Variants in SLC27A6 observed in about 807,000 individuals in gnomAD.
SLC27A6 encodes the protein solute carrier family 27 member 6.
In SLC27A6, 74 loss-of-function variants were observed where a neutral mutation model predicts 63.9. The ratio of observed to expected loss-of-function variants is 1.16; its 90% confidence interval spans 0.96 to 1.40. The LOEUF is 1.40. Among genes scored for constraint, SLC27A6 ranks in the 40% most tolerant of loss-of-function variants. The probability of loss-of-function intolerance (pLI) is 0.00; values close to 1 mark genes in which losing one functional copy is unlikely to be tolerated. For missense variants in SLC27A6, 794 were observed against 732.9 expected, an observed-to-expected ratio of 1.08 and a Z score of -0.96; for synonymous variants, 287 against 260.8, an observed-to-expected ratio of 1.10 and a Z score of -0.97.
At chr5:128,976,204 A>G (rs1750372318) in intron 1 of SLC27A6, among the ~76,000 whole-genome samples, 1 of 152,192 alleles carries the variant, frequency 6.6e-6, no homozygotes, top group South Asian at 2.1e-4. Context: ...GGCATACATA[A>G]CACTTTCTAT....
intron 1 of SLC27A6, among the ~76,000 whole-genome samples, chr5:128,975,441 C>T (rs1750343180): frequency 6.6e-6 from 1 of 152,214 alleles, no homozygotes; most frequent in African/African-American, 2.4e-5. Context: ...ACCTAGATGA[C>T]ATAGTTTACT....
intron 4 of SLC27A6, among the ~76,000 whole-genome samples, chr5:128,992,043 CTT>C (rs1235326850): frequency 6.6e-6 from 1 of 151,004 alleles, no homozygotes; most frequent in Non-Finnish European, 1.5e-5. Context: ...AATTATTTAT[CTT>C]TTATTATCTG....
Position 128,985,114 on chromosome 5 carries a change from C to G in SLC27A6, c.482-19C>G. On this transcript the variant is annotated intron_variant, in intron 1 of 9. Transcript: ENST00000262462. ...AGATTTAAGGTTTGCTTAACTCTTCCCAACCCTTTGGCTTTTAGATTTGCT... is the reference window on the plus strand; with the variant it reads ...AGATTTAAGGTTTGCTTAACTCTTCGCAACCCTTTGGCTTTTAGATTTGCT... 2 of 1,598,532 alleles carry G rather than the reference C, an allele frequency of 1.3e-6. No individual in the cohort carries two copies. The highest frequency in any genetic ancestry group is 1.7e-6 in the Non-Finnish European group (2 of 1,167,866).
At chr5:129,028,751 T>C (rs1752325953) in intron 8 of SLC27A6, among the ~76,000 whole-genome samples, 1 of 151,900 alleles carries the variant, frequency 6.6e-6, no homozygotes, top group Non-Finnish European at 1.5e-5. Flanking sequence ...TTATTTTTCT[T>C]TTTATGACTG....
intron 1 of SLC27A6, among the ~76,000 whole-genome samples, chr5:128,967,617 A>G (rs1749956150): frequency 6.6e-6 from 1 of 152,180 alleles, no homozygotes; most frequent in South Asian, 2.1e-4. Flanking sequence ...AACCTTTATG[A>G]TATAATATTT....
In SLC27A6 at chr5:129,015,936, C is replaced by G; in HGVS notation, c.1021C>G (p.Arg341Gly). ...KVRLAIGNGI[R>G]SDVWREFLDR... ...GCGTTTGGCAATTGGAAATGGCATA[C>G]GGAGTGATGTATGGAGAGAATTTTT... Residue 341 changes from arginine (R) to glycine (G), a missense_variant, in exon 5 of 10, where the codon CGG becomes GGG. By Grantham distance (125) the Arg-to-Gly change is moderately radical. Transcript: ENST00000262462. 3 of 1,601,140 alleles carry G rather than the reference C, an allele frequency of 1.9e-6. No homozygotes were observed. The South Asian group carries it at 3.4e-5, about 18-fold the overall frequency.
At chr5:129,014,356 G>A (rs1751822351) in intron 4 of SLC27A6, among the ~76,000 whole-genome samples, 3 of 152,172 alleles carry the variant, frequency 2.0e-5, no homozygotes, top group African/African-American at 4.8e-5. Flanking sequence ...AAGCTGTTTT[G>A]AAGGAAGTTT....
At position 129,033,519 on chromosome 5, in the gene SLC27A6, T is replaced by G. The variant is rs2150158479; in HGVS notation, c.*237T>G. Reference sequence around the variant, plus strand: ...TTCAGTGCATAACTAAGTATTTTCCTTAATACTAAAGATTTTAAATAATAA... The same window carrying G: ...TTCAGTGCATAACTAAGTATTTTCCGTAATACTAAAGATTTTAAATAATAA... On this transcript the variant is annotated 3_prime_UTR_variant, in exon 10 of 10. Coordinates refer to ENST00000262462, the MANE Select transcript of SLC27A6 (RefSeq NM_001017372.3). The G allele has an allele frequency of 9.6e-6, 2 of 209,382 alleles. No individual in the cohort carries two copies. The highest frequency in any genetic ancestry group is 3.3e-3 in the Middle Eastern group (2 of 602). The allele number at this position is 209,382 out of a possible 1,614,324, so 13.0% of individuals were successfully genotyped here.
chr5:128,965,877 T>G lies in SLC27A6; in HGVS notation c.-261T>G. On this transcript the variant is annotated 5_prime_UTR_variant, in exon 1 of 10. Coordinates refer to ENST00000262462, the MANE Select transcript of SLC27A6 (RefSeq NM_001017372.3). ...TGGCTGTGTTGGTTTCTCGCAGGAGTCGGAGGCTCCCTGCTTTCCAGCCGC... is the reference window on the plus strand; with the variant it reads ...TGGCTGTGTTGGTTTCTCGCAGGAGGCGGAGGCTCCCTGCTTTCCAGCCGC... 8.5e-6 allele frequency: 3 copies of G among 354,658 alleles called. No homozygotes were observed. Among genetic ancestry groups the G allele is most frequent in the Non-Finnish European group, 1.5e-5 (3 of 196,276 alleles). The allele number at this position is 354,658 out of a possible 1,614,324, so 22.0% of individuals were successfully genotyped here.
At chr5:128,972,364 C>G (rs1750203799) in intron 1 of SLC27A6, among the ~76,000 whole-genome samples, 2 of 152,340 alleles carry the variant, frequency 1.3e-5, no homozygotes, top group Admixed American at 1.3e-4. Flanking sequence ...TGTTTTCCAA[C>G]TTGGTTCCAT....
At chr5:128,997,568 G>C (rs189994553) in intron 4 of SLC27A6, among the ~76,000 whole-genome samples, 1 of 152,280 alleles carries the variant, frequency 6.6e-6, no homozygotes. Flanking sequence ...TTAGAACTAT[G>C]TGTATATATT....
intron 5 of SLC27A6, among the ~76,000 whole-genome samples, chr5:129,016,671 C>T (rs1751910455): frequency 6.6e-6 from 1 of 151,794 alleles, no homozygotes; most frequent in African/African-American, 2.4e-5. Context: ...CAAGCATAGG[C>T]CCTGATATAT....
chr5:128,986,601 T>A (rs73784807), intron 2 of SLC27A6, among the ~76,000 whole-genome samples: 29 of 152,278 alleles, frequency 1.9e-4, no homozygotes, highest in African/African-American at 6.0e-4. Context: ...AGAACAGTTT[T>A]GATAAATGAA....
chr5:129,029,949 C>T (rs1350537789), intron 9 of SLC27A6, among the ~76,000 whole-genome samples: 3 of 151,912 alleles, frequency 2.0e-5, no homozygotes, highest in Non-Finnish European at 2.9e-5. Context: ...CAGTCAGGAC[C>T]TCAGAGCAAA....
chr5:128,991,052 C>T (rs1301217370), intron 4 of SLC27A6, among the ~76,000 whole-genome samples: 1 of 152,220 alleles, frequency 6.6e-6, no homozygotes, highest in African/African-American at 2.4e-5. Flanking sequence ...ACAGAACTCT[C>T]ATACAACGGG....
At position 129,029,634 on chromosome 5, in the gene SLC27A6, A is replaced by G; in HGVS notation, c.1610A>G (p.Asp537Gly). 6.2e-7 allele frequency: 1 copy of G among 1,601,516 alleles called. No individual in the cohort carries two copies. The highest frequency in any genetic ancestry group is 1.1e-5 in the South Asian group (1 of 88,708). The change falls in exon 9 of 10, where the codon GAT becomes GGT. Residue 537 changes from aspartate (D) to glycine (G), a missense_variant. Asp to Gly is a moderately conservative substitution (Grantham distance 94). Transcript: ENST00000262462. ...SIILKPNTSL[D>G]LEKVYEQVVT... Reference sequence around the variant, plus strand: ...ATTTTAAAACCAAATACATCTTTAGATTTGGAAAAAGTTTATGAACAAGTT... The same window carrying G: ...ATTTTAAAACCAAATACATCTTTAGGTTTGGAAAAAGTTTATGAACAAGTT...
At chr5:129,014,217 C>G (rs1751817085) in intron 4 of SLC27A6, among the ~76,000 whole-genome samples, 1 of 152,152 alleles carries the variant, frequency 6.6e-6, no homozygotes, top group Non-Finnish European at 1.5e-5. Flanking sequence ...AGATGCATCT[C>G]TAAGCAAAGA....
chr5:129,029,762 G>C (rs1752358940), intron 9 of SLC27A6, 55 bp downstream of exon 9: 2 of 1,452,410 alleles, frequency 1.4e-6, no homozygotes, highest in Non-Finnish European at 1.9e-6. Flanking sequence ...CAAGGAAGTA[G>C]TTTAATTGCA....
intron 4 of SLC27A6, among the ~76,000 whole-genome samples, chr5:129,001,561 A>G (rs1259011564): frequency 1.3e-5 from 2 of 152,306 alleles, no homozygotes; most frequent in East Asian, 1.9e-4. Flanking sequence ...ATTTTAGGTG[A>G]TCTTTTAGGA....
Sources: allele counts gnomAD v4.1 joint callset (sites outside exome capture counted in the v4.1 genomes callset), GRCh38; gene constraint gnomAD v4.1.1; transcripts MANE v1.5; gene names NCBI Gene and HGNC (gene_info 2026-07-23, HGNC 2026-07-21).